TRMT44: variants seen among roughly 807,000 people sequenced by gnomAD.
The protein encoded by TRMT44 is tRNA methyltransferase 44 homolog.
TRMT44 carries 78 observed loss-of-function variants against 77.3 expected under a neutral mutation model. The observed-to-expected ratio is 1.01, with a 90% confidence interval of 0.84 to 1.22. The LOEUF is 1.22. Ranked by LOEUF, TRMT44 falls within the 50% of genes most tolerant of loss-of-function variation. The pLI is 0.00. For missense variants in TRMT44, 1,090 were observed against 964.4 expected, an observed-to-expected ratio of 1.13 and a Z score of -1.73; for synonymous variants, 391 against 383.3, an observed-to-expected ratio of 1.02 and a Z score of -0.23.
intron 1 of TRMT44, among the ~76,000 whole-genome samples, chr4:8,445,860 G>A (rs1344899894): frequency 6.6e-6 from 1 of 152,040 alleles, no homozygotes; most frequent in Admixed American, 6.6e-5. Context: ...TAATATCAAA[G>A]GTAAACACGA....
At chr4:8,467,258 GC>G (rs550069185) in intron 8 of TRMT44, among the ~76,000 whole-genome samples, 2 of 152,278 alleles carry the variant, frequency 1.3e-5, no homozygotes, top group East Asian at 1.9e-4. Context: ...ATCAGCATGT[GC>G]CCCCGCCGGG....
At chr4:8,481,289 A>G (rs113251419), downstream of TRMT44, among the ~76,000 whole-genome samples, 4,332 of 152,262 alleles carry the variant, frequency 0.028, 87 homozygotes, top group Non-Finnish European at 0.045. Context: ...GACCAAACCA[A>G]TGTATTTCTC....
chr4:8,450,904 T>TCTCCCAACTCAAC (rs113864172), intron 3 of TRMT44, among the ~76,000 whole-genome samples: 2,383 of 151,500 alleles, frequency 0.016, 17 homozygotes, highest in Middle Eastern at 0.037. Context: ...CTCAAGCGAT[T>TCTCCCAACTCAAC]CTCCCTAGTA....
Position 8,446,672 on chromosome 4 carries a change from G to C in TRMT44, c.734+82G>C. 1.1e-6 allele frequency: 1 copy of C among 940,810 alleles called. No individual in the cohort carries two copies. The highest frequency in any genetic ancestry group is 1.6e-6 in the Non-Finnish European group (1 of 628,602). The allele number at this position is 940,810 out of a possible 1,614,324, so 58.3% of individuals were successfully genotyped here. ...GTAGCCAAAGGATTCTGGGTTGCCA[G>C]GGCTTAAGGTCCTGTCTCTGAGGTG... On this transcript the variant is annotated intron_variant, in intron 2 of 10. Transcript: ENST00000389737. This position sits in a 1 kb window ranked among gnomAD's most constrained non-coding sequence, Gnocchi z 4.3.
chr4:8,486,893 C>T (rs901368854), intron 2 of TRMT44, among the ~76,000 whole-genome samples: 5 of 151,782 alleles, frequency 3.3e-5, no homozygotes, highest in African/African-American at 9.7e-5. Flanking sequence ...CTCAGCCCGG[C>T]GAGGAGCAGC....
Position 8,464,115 on chromosome 4 carries a change from G to A in TRMT44, c.1310+24G>A, listed in dbSNP as rs114298289. 3,878 of 1,591,586 alleles carry A rather than the reference G, an allele frequency of 2.4e-3. 95 individuals are homozygous for A. In the African/African-American group the frequency reaches 0.046, roughly 19 times the overall value. On this transcript the variant is annotated intron_variant, in intron 7 of 10. Coordinates refer to ENST00000389737, the MANE Select transcript of TRMT44 (RefSeq NM_152544.3). Reference sequence around the variant, plus strand: ...AGGTGAGAAGTAGAGGAGTTATCAGGTGAATGGCTGGGGAATGCTTCATCT... The same window carrying A: ...AGGTGAGAAGTAGAGGAGTTATCAGATGAATGGCTGGGGAATGCTTCATCT...
the TRMT44 span, among the ~76,000 whole-genome samples, chr4:8,516,776 T>C: frequency 6.6e-6 from 1 of 151,994 alleles, no homozygotes; most frequent in Non-Finnish European, 1.5e-5. Context: ...AGACCCTGTC[T>C]CAAAAAACAA....
At chr4:8,515,125 C>T in the TRMT44 span, among the ~76,000 whole-genome samples, 369 of 152,262 alleles carry the variant, frequency 2.4e-3, 5 homozygotes, top group Admixed American at 0.019. Flanking sequence ...GCCACCATAT[C>T]CAGCTAATTT....
In TRMT44 at chr4:8,440,820, G is replaced by C. The variant is rs1388437476; in HGVS notation, c.-3G>C. ...TGCCAGGGCTGTACACCTGCTGGCT[G>C]CCATGGCTGAGGTGGGCCGTACCGG... On this transcript the variant is annotated 5_prime_UTR_variant, in exon 1 of 11. Coordinates refer to ENST00000389737, the MANE Select transcript of TRMT44 (RefSeq NM_152544.3). 1 of 1,452,178 alleles carries C rather than the reference G, an allele frequency of 6.9e-7. No individual in the cohort carries two copies. The highest frequency in any genetic ancestry group is 9.0e-7 in the Non-Finnish European group (1 of 1,105,696). 90.0% of individuals were successfully genotyped at this position (1,452,178 alleles called of 1,614,324 possible).
Position 8,446,580 on chromosome 4 carries a change from AAAG to A in TRMT44, c.730_732del (p.Glu244del), listed in dbSNP as rs1725076603. Reference sequence around the variant, plus strand: ...GTATCAAATTCAGCTCAGTCATAGCAAAGAAGAATGGTAAGAGCTGGACAGTGG... The same window carrying A: ...GTATCAAATTCAGCTCAGTCATAGCAAAGAATGGTAAGAGCTGGACAGTGG... On this transcript the variant is annotated inframe_deletion, in exon 2 of 11. Transcript: ENST00000389737. This position sits in a 1 kb window ranked among gnomAD's most constrained non-coding sequence, Gnocchi z 4.3. 2.0e-6 allele frequency: 3 copies of A among 1,533,728 alleles called. No individual in the cohort carries two copies. Among genetic ancestry groups the A allele is most frequent in the Non-Finnish European group, 2.6e-6 (3 of 1,144,648 alleles).
chr4:8,486,668 G>A (rs1727815013), intron 2 of TRMT44, among the ~76,000 whole-genome samples: 1 of 152,098 alleles, frequency 6.6e-6, no homozygotes, highest in African/African-American at 2.4e-5. Flanking sequence ...TGATGAAAAA[G>A]AGCCTAAACG....
downstream of TRMT44, chr4:8,478,359 A>G (rs1465209168): frequency 6.5e-6 from 1 of 152,696 alleles, no homozygotes; most frequent in Non-Finnish European, 1.5e-5. Flanking sequence ...GCCAAGAGCT[A>G]TGCTAAGTGG....
At chr4:8,490,015 A>G (rs1727946462) in intron 2 of TRMT44, among the ~76,000 whole-genome samples, 2 of 152,200 alleles carry the variant, frequency 1.3e-5, no homozygotes, top group Admixed American at 6.5e-5. Context: ...GATTTTTTGC[A>G]TGTCTGACAC....
the TRMT44 span, among the ~76,000 whole-genome samples, chr4:8,505,593 A>G: frequency 6.6e-6 from 1 of 152,228 alleles, no homozygotes; most frequent in Non-Finnish European, 1.5e-5. Context: ...CACTAGCTGC[A>G]CTGTTTCATG....
At chr4:8,500,652 C>G in the TRMT44 span, among the ~76,000 whole-genome samples, 3 of 148,500 alleles carry the variant, frequency 2.0e-5, no homozygotes, top group Non-Finnish European at 4.5e-5. Context: ...CTGGCAGGCA[C>G]TGTTTACTTT....
At chr4:8,459,751 T>C (rs1037467075) in intron 6 of TRMT44, among the ~76,000 whole-genome samples, 1 of 152,060 alleles carries the variant, frequency 6.6e-6, no homozygotes, top group African/African-American at 2.4e-5. Flanking sequence ...CATATTTGAG[T>C]GTCCCCTACC....
At chr4:8,511,950 G>T in the TRMT44 span, 3 of 152,198 alleles carry the variant, frequency 2.0e-5, no homozygotes, top group African/African-American at 7.2e-5. Flanking sequence ...GGACCATCTC[G>T]TGCAATTGCT....
rs1202795815 is a variant in TRMT44 at position 8,476,267 on chromosome 4, T to TTG, written c.*269_*270dup. The TTG allele has an allele frequency of 1.2e-4, 62 of 525,106 alleles. No homozygotes were observed. The highest frequency in any genetic ancestry group is 1.9e-4 in the Non-Finnish European group (55 of 291,262). The allele number at this position is 525,106 out of a possible 1,614,324, so 32.5% of individuals were successfully genotyped here. A position where few individuals can be genotyped will look rare whatever the true frequency, so the allele number is the denominator to read the frequency against. ...GCGCAGCATCTTCATATCATAAAGA[T>TTG]TGTGCACGGATCCTTACAATGTCTC... On this transcript the variant is annotated 3_prime_UTR_variant, in exon 11 of 11. Transcript: ENST00000389737.
Position 8,461,275 on chromosome 4 carries a change from T to A in TRMT44, c.1204-2710T>A, listed in dbSNP as rs1477992284. Among the ~76,000 whole-genome samples the A allele has an allele frequency of 2.0e-5, 3 of 152,206 alleles. No individual in the cohort carries two copies. Among genetic ancestry groups the A allele is most frequent in the African/African-American group, 7.2e-5 (3 of 41,450 alleles). On this transcript the variant is annotated intron_variant, in intron 6 of 10. Transcript: ENST00000389737. The surrounding 1 kb of genome is among the most constrained non-coding windows in gnomAD (Gnocchi z 4.6). ...CCTCAGGTTTGAGGAATGTTGGTAA[T>A]CTAGCCAGTGCACTCGGGAGGCTCT... is the stretch of plus-strand genomic sequence containing the variant.
Sources: gnomAD v4.1 joint callset for allele counts (sites outside exome capture counted in the v4.1 genomes callset) on GRCh38, gnomAD v4.1.1 for gene constraint, Gnocchi (gnomAD v3.1) non-coding constraint, MANE v1.5 for transcripts, NCBI Gene and HGNC (gene_info 2026-07-23, HGNC 2026-07-21) for gene names.